Variants in ZNF248 observed in about 807,000 individuals in gnomAD.
The protein encoded by ZNF248 is KRAB protein domain.
Under a neutral mutation model 44.3 loss-of-function variants are expected in ZNF248, and 20 were observed. That is an observed-to-expected ratio of 0.45 (90% CI 0.32 to 0.66). ZNF248 has a LOEUF of 0.66. ZNF248 is among the 30% of genes least tolerant of loss of function. The pLI, the probability that ZNF248 is intolerant of heterozygous loss-of-function variation, is 0.04. For synonymous variants in ZNF248, 224 were observed against 229.0 expected, an observed-to-expected ratio of 0.98 and a Z score of 0.20; for missense variants, 654 against 677.0, an observed-to-expected ratio of 0.97 and a Z score of 0.38.
chr10:37,771,803 T>A (rs2046249995), downstream of ZNF248, among the ~76,000 whole-genome samples: 1 of 151,750 alleles, frequency 6.6e-6, no homozygotes, highest in South Asian at 2.1e-4. Flanking sequence ...AAAAAAACAA[T>A]CGATGCACAC....
At chr10:37,789,004 TG>T (rs1379311648) in intron 6 of ZNF248, among the ~76,000 whole-genome samples, 2 of 152,070 alleles carry the variant, frequency 1.3e-5, no homozygotes, top group Non-Finnish European at 2.9e-5. Flanking sequence ...CCTAAGCAGC[TG>T]GGACTACAGG....
At chr10:37,769,306 A>C in the ZNF248 span, among the ~76,000 whole-genome samples, 1 of 152,368 alleles carries the variant, frequency 6.6e-6, no homozygotes, top group South Asian at 2.1e-4. Context: ...AAAGCCGAGC[A>C]GAAAAACAAC....
chr10:37,850,309 T>G (rs1056066882), intron 3 of ZNF248, among the ~76,000 whole-genome samples: 1 of 152,176 alleles, frequency 6.6e-6, no homozygotes, highest in African/African-American at 2.4e-5. Flanking sequence ...TAAAAAATGC[T>G]AACTTCAGGG....
chr10:37,857,536 A>C lies in ZNF248; in HGVS notation c.-477T>G, dbSNP rs1590089433. 1 of 152,246 alleles carries C rather than the reference A, an allele frequency of 6.6e-6. No individual in the cohort carries two copies. Among genetic ancestry groups the C allele is most frequent in the Admixed American group, 6.5e-5 (1 of 15,284 alleles). 9.4% of individuals were successfully genotyped at this position (152,246 alleles called of 1,614,324 possible). ...ATATCCGTAATTTACAGAGAGGAAAACCGAGTCTCCCGTGGATAATTGTGT... is the reference window on the plus strand; with the variant it reads ...ATATCCGTAATTTACAGAGAGGAAACCCGAGTCTCCCGTGGATAATTGTGT... On this transcript the variant is annotated 5_prime_UTR_variant, in exon 1 of 6. Coordinates refer to ENST00000395867, the MANE Select transcript of ZNF248 (RefSeq NM_021045.3).
chr10:37,781,359 A>G (rs975182565), intron 6 of ZNF248, among the ~76,000 whole-genome samples: 1 of 152,224 alleles, frequency 6.6e-6, no homozygotes, highest in African/African-American at 2.4e-5. Flanking sequence ...TCCTGCGTCC[A>G]GGTCTTGGAC....
intron 3 of ZNF248, among the ~76,000 whole-genome samples, chr10:37,839,506 A>C (rs200931): frequency 0.32 from 35,246 of 110,940 alleles, 4,232 homozygotes; most frequent in East Asian, 0.42. Context: ...TGTATACACA[A>C]ACACACACAC....
chr10:37,797,755 A>T (rs1208711), intron 6 of ZNF248, among the ~76,000 whole-genome samples: 9,121 of 152,190 alleles, frequency 0.06, 351 homozygotes, highest in Middle Eastern at 0.095. Context: ...TCACAATGAG[A>T]TCTCCTTTCA....
At chr10:37,844,835 A>G (rs2058996053) in intron 3 of ZNF248, among the ~76,000 whole-genome samples, 1 of 152,160 alleles carries the variant, frequency 6.6e-6, no homozygotes, top group Admixed American at 6.5e-5. Context: ...CAGAAAAAAA[A>G]CAGCAACTGG....
chr10:37,856,556 C>A, intron 1 of ZNF248, 24 bp from the exon 2 acceptor site: 2 of 1,176,918 alleles, frequency 1.7e-6, no homozygotes, highest in Admixed American at 4.3e-5. Context: ...AAATTAAAAA[C>A]ATGAAAAGAT....
At chr10:37,774,545 A>C (rs1402613538), downstream of ZNF248, among the ~76,000 whole-genome samples, 1 of 152,152 alleles carries the variant, frequency 6.6e-6, no homozygotes, top group Non-Finnish European at 1.5e-5. Context: ...AAACTCCAGG[A>C]AGACAAGAAC....
At chr10:37,834,630 G>A (rs557581464) in intron 5 of ZNF248, among the ~76,000 whole-genome samples, 4 of 152,236 alleles carry the variant, frequency 2.6e-5, no homozygotes, top group Non-Finnish European at 4.4e-5. Context: ...CATATGAACA[G>A]GTCTAAGTTT....
Position 37,832,995 on chromosome 10 carries a change from G to T in ZNF248, c.360C>A (p.Ser120Arg). 1 of 1,613,696 alleles carries T rather than the reference G, an allele frequency of 6.2e-7. No individual in the cohort carries two copies. Among genetic ancestry groups the T allele is most frequent in the Non-Finnish European group, 8.5e-7 (1 of 1,179,796 alleles). ...GGTCTGTGCCCAAATTGAAAGTTTTGCTTCCTCTATCTCCATTTTCTACAC... is the reference window on the plus strand; with the variant it reads ...GGTCTGTGCCCAAATTGAAAGTTTTTCTTCCTCTATCTCCATTTTCTACAC... Reference protein sequence around the residue: ...TVSVENGDRGSKTFNLGTDPV... With the variant: ...TVSVENGDRGRKTFNLGTDPV... Residue 120 changes from serine to arginine, a missense_variant, in exon 6 of 6, where the codon AGC becomes AGA. By Grantham distance (110) the Ser-to-Arg change is moderately radical. Coordinates refer to ENST00000395867, the MANE Select transcript of ZNF248 (RefSeq NM_021045.3).
At chr10:37,837,529 A>G (rs2057470712) in intron 5 of ZNF248, 88 bp downstream of exon 5, 15 of 1,120,624 alleles carry the variant, frequency 1.3e-5, no homozygotes, top group Non-Finnish European at 1.9e-5. Context: ...GACATTTGTG[A>G]AAAATATTCC....
chr10:37,850,276 A>G (rs914433831), intron 3 of ZNF248, among the ~76,000 whole-genome samples: 1 of 152,246 alleles, frequency 6.6e-6, no homozygotes, highest in Non-Finnish European at 1.5e-5. Context: ...TGCTAAATGA[A>G]TGAATGACTT....
At chr10:37,786,204 G>T (rs1192882723) in intron 6 of ZNF248, among the ~76,000 whole-genome samples, 1 of 152,100 alleles carries the variant, frequency 6.6e-6, no homozygotes, top group Non-Finnish European at 1.5e-5. Context: ...ACCATTTTTT[G>T]CAGAGATCAA....
At chr10:37,768,339 C>A in the ZNF248 span, among the ~76,000 whole-genome samples, 4 of 152,156 alleles carry the variant, frequency 2.6e-5, no homozygotes, top group South Asian at 6.2e-4. Context: ...CTCAGCACCA[C>A]ACCTATTCCA....
intron 6 of ZNF248, among the ~76,000 whole-genome samples, chr10:37,789,886 G>T (rs1264876618): frequency 6.6e-6 from 1 of 152,178 alleles, no homozygotes; most frequent in Non-Finnish European, 1.5e-5. Context: ...AAGAACACCT[G>T]AAGTTTTAGG....
chr10:37,856,184 C>T (rs190824559), intron 3 of ZNF248, 112 bp downstream of exon 3: 2 of 1,246,610 alleles, frequency 1.6e-6, no homozygotes, highest in Non-Finnish European at 2.2e-6. Flanking sequence ...TTTTATTTCC[C>T]TTAATGTCAA....
intron 3 of ZNF248, among the ~76,000 whole-genome samples, chr10:37,855,247 T>C (rs1464455452): frequency 6.6e-6 from 1 of 152,216 alleles, no homozygotes; most frequent in African/African-American, 2.4e-5. Context: ...TAATTATTTA[T>C]AGAACCTCTT....
Sources: allele counts gnomAD v4.1 joint callset (sites outside exome capture counted in the v4.1 genomes callset), GRCh38; gene constraint gnomAD v4.1.1; transcripts MANE v1.5; gene names NCBI Gene and HGNC (gene_info 2026-07-23, HGNC 2026-07-21).